The following NCOA3 variants were observed in gnomAD, a reference collection of about 807,000 sequenced individuals.
NCOA3 encodes CBP-interacting protein.
Under a neutral mutation model 158.8 loss-of-function variants are expected in NCOA3, and 51 were observed. The observed-to-expected ratio is 0.32, with a 90% CI of 0.26 to 0.41. NCOA3 has a LOEUF of 0.41. NCOA3 is among the 10% of genes least tolerant of loss of function. The pLI is 1.00. For missense variants in NCOA3, 1,510 were observed against 1,746.6 expected (o/e 0.86, Z 2.41); for synonymous variants, 537 against 592.4 (o/e 0.91, Z 1.36).
At chr20:47,595,589 C>T (rs772017554) in intron 2 of NCOA3, among the ~76,000 whole-genome samples, 1 of 151,682 alleles carries the variant, frequency 6.6e-6, no homozygotes, top group Non-Finnish European at 1.5e-5. Flanking sequence ...CCAGTTCTAT[C>T]TAAACTGTTA....
At chr20:47,527,299 A>G (rs541500492) in intron 1 of NCOA3, among the ~76,000 whole-genome samples, 101 of 152,166 alleles carry the variant, frequency 6.6e-4, no homozygotes, top group Admixed American at 2.0e-3. Context: ...TCTGCTTTGT[A>G]TTAGTATAGT....
At position 47,656,493 on chromosome 20, in the gene NCOA3, C is replaced by T. The variant is rs2086876810; in HGVS notation, c.*3076C>T. ...CAGTTACATGTATGCCTGCCCAGTT[C>T]CCTTTTTATTTGCAGAAGCTGTGAG... On this transcript the variant is annotated 3_prime_UTR_variant, in exon 23 of 23. Coordinates refer to ENST00000371998, the MANE Select transcript of NCOA3 (RefSeq NM_181659.3). 1 of 152,314 alleles carries T rather than the reference C, an allele frequency of 6.6e-6. No homozygotes were observed. Among genetic ancestry groups the T allele is most frequent in the Non-Finnish European group, 1.5e-5 (1 of 68,024 alleles). The allele number at this position is 152,314 out of a possible 1,614,324, so 9.4% of individuals were successfully genotyped here.
rs1051951666 is a variant in NCOA3, at chr20:47,655,503, T to G, written c.*2086T>G. 2 of 152,594 alleles carry G rather than the reference T, an allele frequency of 1.3e-5. No homozygotes were observed. Among genetic ancestry groups the G allele is most frequent in the African/African-American group, 4.8e-5 (2 of 41,444 alleles). 9.5% of individuals were successfully genotyped at this position (152,594 alleles called of 1,614,324 possible). ...AGACCCACCACCAGAGTGGATCTTA[T>G]TTTCAAAGCAGTATAGACAATTATG... On this transcript the variant is annotated 3_prime_UTR_variant, in exon 23 of 23. Transcript: ENST00000371998.
At chr20:47,555,366 C>CTGA (rs2084987103) in intron 1 of NCOA3, among the ~76,000 whole-genome samples, 1 of 152,098 alleles carries the variant, frequency 6.6e-6, no homozygotes, top group Non-Finnish European at 1.5e-5. Context: ...GGGCCCTGCA[C>CTGA]TGATCTTCCA....
intron 1 of NCOA3, among the ~76,000 whole-genome samples, chr20:47,581,369 A>C (rs189579188): frequency 2.2e-4 from 34 of 152,292 alleles, no homozygotes; most frequent in South Asian, 1.0e-3. Flanking sequence ...TGTGAGCCAC[A>C]TGTAATGTGC....
At chr20:47,564,641 C>T (rs919517095) in intron 1 of NCOA3, among the ~76,000 whole-genome samples, 5 of 150,274 alleles carry the variant, frequency 3.3e-5, no homozygotes, top group African/African-American at 9.8e-5. Context: ...TCTTTTGTAT[C>T]TTGATGTACT....
chr20:47,645,790 A>T (rs984933503), intron 17 of NCOA3, among the ~76,000 whole-genome samples: 4 of 152,194 alleles, frequency 2.6e-5, no homozygotes, highest in Admixed American at 2.6e-4. Flanking sequence ...GGATCACATG[A>T]ACCCAAGTTG....
At chr20:47,611,129 T>C (rs1433571969) in intron 2 of NCOA3, among the ~76,000 whole-genome samples, 2 of 152,198 alleles carry the variant, frequency 1.3e-5, no homozygotes, top group African/African-American at 4.8e-5. Context: ...CTCAATACTG[T>C]CTTTTCCTCT....
At chr20:47,607,359 G>A (rs981932528) in intron 2 of NCOA3, among the ~76,000 whole-genome samples, 3 of 152,116 alleles carry the variant, frequency 2.0e-5, no homozygotes, top group African/African-American at 7.2e-5. Context: ...GGAAAAGGAT[G>A]ACTCAATCAC....
At chr20:47,554,226 G>C (rs1221927233) in intron 1 of NCOA3, among the ~76,000 whole-genome samples, 10 of 151,978 alleles carry the variant, frequency 6.6e-5, no homozygotes, top group African/African-American at 2.2e-4. Context: ...TATATCCTTC[G>C]CCCACTTTTT....
chr20:47,570,753 A>G (rs1011476802), intron 1 of NCOA3, among the ~76,000 whole-genome samples: 4 of 152,162 alleles, frequency 2.6e-5, no homozygotes, highest in South Asian at 2.1e-4. Context: ...ATCATTATCT[A>G]TGGCAGCTGT....
At chr20:47,628,727 C>T (rs868045569) in intron 8 of NCOA3, 4 of 151,888 alleles carry the variant, frequency 2.6e-5, no homozygotes, top group African/African-American at 4.8e-5. Context: ...TAATTCTTGA[C>T]GTCAACCTGA....
intron 1 of NCOA3, among the ~76,000 whole-genome samples, chr20:47,582,549 TG>T (rs1555807420): frequency 6.6e-6 from 1 of 152,010 alleles, no homozygotes; most frequent in Non-Finnish European, 1.5e-5. Context: ...TTTTTGTGTG[TG>T]GAGATGGTGT....
intron 1 of NCOA3, among the ~76,000 whole-genome samples, chr20:47,544,554 T>G (rs1038245510): frequency 6.6e-6 from 1 of 152,138 alleles, no homozygotes; most frequent in Non-Finnish European, 1.5e-5. Context: ...AATCCTTATG[T>G]AATAGACTTA....
intron 2 of NCOA3, among the ~76,000 whole-genome samples, chr20:47,598,295 G>A (rs113568173): frequency 6.7e-6 from 1 of 149,676 alleles, no homozygotes; most frequent in African/African-American, 2.4e-5. Context: ...GTTTACTAGC[G>A]AACTTTGGAA....
chr20:47,632,429 C>T (rs2086435295), intron 8 of NCOA3, among the ~76,000 whole-genome samples: 1 of 149,236 alleles, frequency 6.7e-6, no homozygotes, highest in Non-Finnish European at 1.5e-5. Flanking sequence ...GCTCTGTTGC[C>T]TAGGCTGGAG....
intron 1 of NCOA3, among the ~76,000 whole-genome samples, chr20:47,555,644 T>G (rs1313869901): frequency 6.9e-6 from 1 of 144,668 alleles, no homozygotes; most frequent in East Asian, 2.0e-4. Flanking sequence ...TTTTTTTTTT[T>G]TTTTTTTTTT....
At chr20:47,520,889 T>C (rs1439840922) in intron 1 of NCOA3, among the ~76,000 whole-genome samples, 1 of 152,220 alleles carries the variant, frequency 6.6e-6, no homozygotes, top group Non-Finnish European at 1.5e-5. Flanking sequence ...CTAAGCCATA[T>C]GAGGTAGCTA....
At chr20:47,604,332 T>C (rs1039543556) in intron 2 of NCOA3, among the ~76,000 whole-genome samples, 1 of 152,186 alleles carries the variant, frequency 6.6e-6, no homozygotes, top group Non-Finnish European at 1.5e-5. Flanking sequence ...AGCTGTTAAG[T>C]CTGTGTTCTT....
Sources: gnomAD v4.1 joint callset for allele counts (sites outside exome capture counted in the v4.1 genomes callset) on GRCh38, gnomAD v4.1.1 for gene constraint, MANE v1.5 for transcripts, NCBI Gene and HGNC (gene_info 2026-07-23, HGNC 2026-07-21) for gene names.